The following ZSCAN21 variants were observed in gnomAD, a reference collection of about 807,000 sequenced individuals.
ZSCAN21 encodes the protein zinc finger and SCAN domain-containing protein 21.
Under a neutral mutation model 35.6 loss-of-function variants are expected in ZSCAN21, and 26 were observed. That is an observed-to-expected ratio of 0.73 (90% confidence interval 0.54 to 1.01). The LOEUF (loss-of-function observed/expected upper bound fraction) is 1.01. Among genes scored for constraint, ZSCAN21 ranks in the 50% least tolerant of loss-of-function variants. The probability of loss-of-function intolerance (pLI) is 0.00; values close to 1 mark genes in which losing one functional copy is unlikely to be tolerated. For missense variants in ZSCAN21, 593 were observed against 587.1 expected (o/e 1.01, Z -0.10); for synonymous variants, 219 against 219.3 (o/e 1.00, Z 0.01).
intron 3 of ZSCAN21, among the ~76,000 whole-genome samples, chr7:100,063,516 C>T (rs571041106): frequency 1.3e-5 from 2 of 152,154 alleles, no homozygotes; most frequent in South Asian, 2.1e-4. Context: ...GCAGGAGAAT[C>T]GCTTGAATCA....
intron 1 of ZSCAN21, among the ~76,000 whole-genome samples, chr7:100,051,178 C>CCA (rs533912229): frequency 2.4e-5 from 1 of 41,384 alleles, no homozygotes; most frequent in Non-Finnish European, 4.3e-5. Flanking sequence ...AACTACGTCT[C>CCA]AAAAAAAAAA....
rs371809963 is a variant in ZSCAN21 at position 100,064,085 on chromosome 7, G to C, written c.890G>C (p.Arg297Thr). Residue 297 changes from arginine to threonine, a missense_variant, in exon 4 of 4, where the codon AGA (arginine) becomes ACA (threonine). By Grantham distance (71) the Arg-to-Thr change is moderately conservative. Coordinates refer to ENST00000292450, the MANE Select transcript of ZSCAN21 (RefSeq NM_145914.3). The stretch of plus-strand genomic sequence containing the variant: ...AGCTCAAATCTCACCAAACACAGGA[G>C]AACACACACTGGGGAGAAACCTTAC... The part of the protein sequence containing the change: ...SNSSNLTKHR[R>T]THTGEKPYVC... The C allele has an allele frequency of 9.3e-6, 15 of 1,614,064 alleles. No individual in the cohort carries two copies. In the Admixed American group the frequency reaches 1.0e-4, roughly 11 times the overall value.
chr7:100,059,988 G>A (rs936544870), intron 3 of ZSCAN21, among the ~76,000 whole-genome samples: 4 of 152,264 alleles, frequency 2.6e-5, no homozygotes, highest in Admixed American at 6.5e-5. Context: ...GATTACAGGC[G>A]TGAGCCACCA....
rs1171729252 is a variant in ZSCAN21, at chr7:100,049,779, C to T, written c.-159C>T. On this transcript the variant is annotated 5_prime_UTR_variant, in exon 1 of 4. Transcript: ENST00000292450. ...CGGGGGCGGGGCTATGACGCACTTC[C>T]GGGTGCGCGGTCCCGAGGTACGCGG... 6.6e-6 allele frequency: 1 copy of T among 152,316 alleles called. No homozygotes were observed. The highest frequency in any genetic ancestry group is 1.5e-5 in the Non-Finnish European group (1 of 68,094). The allele number at this position is 152,316 out of a possible 1,614,324, so 9.4% of individuals were successfully genotyped here.
chr7:100,060,858 CA>C (rs372983638), intron 3 of ZSCAN21, among the ~76,000 whole-genome samples: 2,213 of 74,446 alleles, frequency 0.03, 37 homozygotes, highest in African/African-American at 0.11. Context: ...AGGACTCCGT[CA>C]AAAAAAAAAA....
At position 100,064,586 on chromosome 7, in the gene ZSCAN21, G is replaced by A. The variant is rs938039726; in HGVS notation, c.1391G>A (p.Arg464Gln). Residue 464 changes from arginine to glutamine, a missense_variant, in exon 4 of 4, where the codon CGA becomes CAA. Coordinates refer to ENST00000292450, the MANE Select transcript of ZSCAN21 (RefSeq NM_145914.3). Reference sequence around the variant, plus strand: ...AAGTCCAATCTTTCCAAACATCAGCGAGTCCACACTGGAGAGGGAGAAGCA... The same window carrying A: ...AAGTCCAATCTTTCCAAACATCAGCAAGTCCACACTGGAGAGGGAGAAGCA... ...CSKSNLSKHQRVHTGEGEAP is the reference protein window; with the variant it reads ...CSKSNLSKHQQVHTGEGEAP The A allele has an allele frequency of 1.1e-5, 17 of 1,614,042 alleles. No individual in the cohort carries two copies. The East Asian group carries it at 1.6e-4, about 15-fold the overall frequency.
chr7:100,057,855 A>G lies in ZSCAN21; in HGVS notation c.557A>G (p.Glu186Gly). The change falls in exon 3 of 4, where the codon GAG (glutamate) becomes GGG (glycine). Residue 186 changes from glutamate (E) to glycine (G), a missense_variant. Transcript: ENST00000292450. ...GPLYIQESGE[E>G]QEFAQDPRKV... ...CTGTACATCCAAGAGTCTGGTGAGG[A>G]GCAGGAGTTCGCTCAAGATCCAAGA... 6.2e-7 allele frequency: 1 copy of G among 1,612,394 alleles called. No individual in the cohort carries two copies.
chr7:100,051,282 C>CTTTTTTTT lies in ZSCAN21; in HGVS notation c.-97+1463_-97+1470dup, dbSNP rs1164734568. 8.6e-4 allele frequency among the ~76,000 whole-genome samples: 30 copies of CTTTTTTTT among 34,966 alleles called. 11 individuals carry two copies. Among genetic ancestry groups the CTTTTTTTT allele is most frequent in the East Asian group, 8.2e-3 (8 of 980 alleles). 22.9% of individuals were successfully genotyped at this position (34,966 alleles called of 152,430 possible). A position where few individuals can be genotyped will look rare whatever the true frequency, so the allele number is the denominator to read the frequency against. ...GGCTGCCTAGGGATCTAGGGATTTT[C>CTTTTTTTT]TTTTTTTTTTTTTTTTTTTTTTTTT... On this transcript the variant is annotated intron_variant, in intron 1 of 3. Coordinates refer to ENST00000292450, the MANE Select transcript of ZSCAN21 (RefSeq NM_145914.3).
chr7:100,063,665 G>A, intron 3 of ZSCAN21, 123 bp from the exon 4 acceptor site: 1 of 837,698 alleles, frequency 1.2e-6, no homozygotes, highest in African/African-American at 1.7e-5. Context: ...GCGCTATCAT[G>A]AGCTCTGTTT....
chr7:100,059,929 C>T (rs771704140), intron 3 of ZSCAN21, among the ~76,000 whole-genome samples: 3 of 151,880 alleles, frequency 2.0e-5, no homozygotes, highest in African/African-American at 4.8e-5. Flanking sequence ...AGACTGGTCT[C>T]GAACTCCTGA....
At chr7:100,062,942 T>C (rs898154576) in intron 3 of ZSCAN21, among the ~76,000 whole-genome samples, 2 of 152,182 alleles carry the variant, frequency 1.3e-5, no homozygotes, top group African/African-American at 2.4e-5. Flanking sequence ...GCCAGCACAA[T>C]CATGGCTCAC....
At position 100,057,903 on chromosome 7, in the gene ZSCAN21, C is replaced by T. The variant is rs779409123; in HGVS notation, c.592+13C>T. ...AGAAAGGTCCGAGGTGAGGACCACC[C>T]ATTAGACTCCTATTCAGTGCCCCAG... On this transcript the variant is annotated intron_variant, in intron 3 of 3. Transcript: ENST00000292450. The T allele has an allele frequency of 1.8e-5, 29 of 1,580,034 alleles. No individual in the cohort carries two copies. The Admixed American group carries it at 4.4e-4, about 24-fold the overall frequency.
rs367853714 is a variant in ZSCAN21 at position 100,057,896 on chromosome 7, G to A, written c.592+6G>A. 1 of 1,594,426 alleles carries A rather than the reference G, an allele frequency of 6.3e-7. No homozygotes were observed. Among genetic ancestry groups the A allele is most frequent in the African/African-American group, 1.3e-5 (1 of 74,116 alleles). The stretch of plus-strand genomic sequence containing the variant: ...AGATCCAAGAAAGGTCCGAGGTGAG[G>A]ACCACCCATTAGACTCCTATTCAGT... On this transcript the variant is annotated splice_donor_region_variant and intron_variant, in intron 3 of 3. Coordinates refer to ENST00000292450, the MANE Select transcript of ZSCAN21 (RefSeq NM_145914.3).
In ZSCAN21 at chr7:100,063,982, A is replaced by C; in HGVS notation, c.787A>C (p.Arg263=). The change falls in exon 4 of 4, where the codon AGA becomes CGA. Residue 263 remains arginine, a synonymous_variant. Coordinates refer to ENST00000292450, the MANE Select transcript of ZSCAN21 (RefSeq NM_145914.3). The stretch of plus-strand genomic sequence containing the variant: ...TCAAGAGGCAGGCTCCAAGAAAGGT[A>C]GAGAATCAGTTCCTACTAAACCTAC... The part of the protein sequence containing the change: ...PLQEAGSKKG[R]ESVPTKPTPG... 1.9e-6 allele frequency: 3 copies of C among 1,614,178 alleles called. No homozygotes were observed. The highest frequency in any genetic ancestry group is 2.5e-6 in the Non-Finnish European group (3 of 1,180,000).
intron 1 of ZSCAN21, among the ~76,000 whole-genome samples, chr7:100,050,747 G>C (rs73395923): frequency 6.6e-6 from 1 of 152,078 alleles, no homozygotes; most frequent in African/African-American, 2.4e-5. Context: ...GGAAACCCAC[G>C]AAATCTAAGG....
chr7:100,061,769 C>T (rs962852799), intron 3 of ZSCAN21, among the ~76,000 whole-genome samples: 17 of 152,100 alleles, frequency 1.1e-4, no homozygotes, highest in Non-Finnish European at 5.9e-5. Flanking sequence ...GCTGTCAGGG[C>T]GGTTCCTAGG....
Position 100,064,799 on chromosome 7 carries a change from CAGG to C in ZSCAN21, c.*186_*188del, listed in dbSNP as rs1350033878. ...CAGGCAGGAGGTCCTCAGAAGGTGT[CAGG>C]AGGTTCCACACTCGCCAGTTCACTG... On this transcript the variant is annotated 3_prime_UTR_variant, in exon 4 of 4. Coordinates refer to ENST00000292450, the MANE Select transcript of ZSCAN21 (RefSeq NM_145914.3). 1.9e-6 allele frequency: 3 copies of C among 1,614,008 alleles called. No homozygotes were observed. The highest frequency in any genetic ancestry group is 2.5e-6 in the Non-Finnish European group (3 of 1,180,042).
At chr7:100,054,361 T>C (rs950241713) in intron 1 of ZSCAN21, among the ~76,000 whole-genome samples, 1 of 151,454 alleles carries the variant, frequency 6.6e-6, no homozygotes, top group Non-Finnish European at 1.5e-5. Context: ...GCTATTCTCA[T>C]GTCTCAGCCT....
intron 2 of ZSCAN21, 35 bp from the exon 3 acceptor site, chr7:100,057,663 C>A: frequency 6.4e-7 from 1 of 1,560,778 alleles, no homozygotes; most frequent in Non-Finnish European, 8.7e-7. Context: ...TAAAGTGAGC[C>A]ATGCACAAAC....
Sources: allele counts gnomAD v4.1 joint callset (sites outside exome capture counted in the v4.1 genomes callset), GRCh38; gene constraint gnomAD v4.1.1; transcripts MANE v1.5; gene names NCBI Gene and HGNC (gene_info 2026-07-23, HGNC 2026-07-21).